The following GFOD1 variants were observed in gnomAD, a reference collection of about 807,000 sequenced individuals.
GFOD1 encodes glucose-fructose oxidoreductase domain-containing protein 1.
A neutral mutation model predicts 25.4 loss-of-function variants in GFOD1; 9 were observed. That is an observed-to-expected ratio of 0.35 (90% CI 0.21 to 0.62). GFOD1 has a LOEUF of 0.62. Among genes scored for constraint, GFOD1 ranks in the 20% least tolerant of loss-of-function variants. GFOD1 has a pLI of 0.72. For synonymous variants in GFOD1, 253 were observed against 245.6 expected (o/e 1.03, Z -0.28); for missense variants, 403 against 556.9 (o/e 0.72, Z 2.78).
intron 1 of GFOD1, among the ~76,000 whole-genome samples, chr6:13,393,674 G>A (rs763366154): frequency 6.6e-6 from 1 of 151,436 alleles, no homozygotes; most frequent in Non-Finnish European, 1.5e-5. Flanking sequence ...AAAAATCATT[G>A]ATTACAAACA....
chr6:13,446,097 G>A (rs1051799189), intron 1 of GFOD1, among the ~76,000 whole-genome samples: 26 of 152,212 alleles, frequency 1.7e-4, no homozygotes, highest in African/African-American at 6.3e-4. Flanking sequence ...GCTGGAGTCT[G>A]AACCAATTGT....
chr6:13,436,488 G>C lies in GFOD1; in HGVS notation c.253+50150C>G, dbSNP rs150281601. Among the ~76,000 whole-genome samples the C allele has an allele frequency of 2.0e-5, 3 of 152,252 alleles. No individual in the cohort carries two copies. In the East Asian group the frequency reaches 5.8e-4, roughly 29 times the overall value. On this transcript the variant is annotated intron_variant, in intron 1 of 1. Transcript: ENST00000379287. ...TTAAGTTTTCACTTACTGTATCTTA[G>C]AGATCTTTCCATATCAGCATATGCA...
intron 1 of GFOD1, among the ~76,000 whole-genome samples, chr6:13,396,965 G>A (rs1262774511): frequency 6.6e-6 from 1 of 152,198 alleles, no homozygotes; most frequent in Non-Finnish European, 1.5e-5. Context: ...CAAGTCAGAG[G>A]AAGGGATATT....
At chr6:13,444,129 C>T (rs1198343705) in intron 1 of GFOD1, among the ~76,000 whole-genome samples, 1 of 152,036 alleles carries the variant, frequency 6.6e-6, no homozygotes, top group Non-Finnish European at 1.5e-5. Flanking sequence ...CAATGGCAGA[C>T]TGGGTAAAGA....
intron 1 of GFOD1, among the ~76,000 whole-genome samples, chr6:13,462,151 C>A (rs1171729597): frequency 1.3e-5 from 2 of 152,186 alleles, no homozygotes; most frequent in African/African-American, 4.8e-5. Context: ...ATGGCAAATA[C>A]CATGGGGTTT....
At chr6:13,467,900 T>C (rs1172951943) in intron 1 of GFOD1, among the ~76,000 whole-genome samples, 1 of 152,154 alleles carries the variant, frequency 6.6e-6, no homozygotes, top group Non-Finnish European at 1.5e-5. Context: ...GAAGACTGCC[T>C]TTTTCCTTTG....
chr6:13,368,204 C>G (rs893164590), intron 1 of GFOD1, among the ~76,000 whole-genome samples: 1 of 152,214 alleles, frequency 6.6e-6, no homozygotes, highest in Non-Finnish European at 1.5e-5. Context: ...TCAGTTTCCA[C>G]GTGCACATCT....
intron 1 of GFOD1, among the ~76,000 whole-genome samples, chr6:13,440,450 C>T (rs1757897234): frequency 8.5e-5 from 13 of 152,172 alleles, no homozygotes; most frequent in Admixed American, 8.5e-4. Context: ...CTCAGCCTCC[C>T]AAAGTGCTGG....
intron 1 of GFOD1, among the ~76,000 whole-genome samples, chr6:13,449,286 A>C (rs1758055969): frequency 6.6e-6 from 1 of 152,136 alleles, no homozygotes; most frequent in Non-Finnish European, 1.5e-5. Context: ...GGGAGACCCT[A>C]TCTCAAAGAA....
At chr6:13,458,105 TTTGTTGTTGTTG>T (rs555905027) in intron 1 of GFOD1, among the ~76,000 whole-genome samples, 15 of 151,986 alleles carry the variant, frequency 9.9e-5, no homozygotes, top group Non-Finnish European at 1.6e-4. Flanking sequence ...TTATACAATT[TTTGTTGTTGTTG>T]TTGTTGTTGT....
At chr6:13,440,043 C>CCT (rs748081815) in intron 1 of GFOD1, among the ~76,000 whole-genome samples, 1 of 152,068 alleles carries the variant, frequency 6.6e-6, no homozygotes, top group Non-Finnish European at 1.5e-5. Flanking sequence ...CCTATACTGC[C>CCT]CTAAAGCTGA....
chr6:13,427,978 A>C lies in GFOD1; in HGVS notation c.253+58660T>G, dbSNP rs577841514. On this transcript the variant is annotated intron_variant, in intron 1 of 1. Transcript: ENST00000379287. Reference sequence around the variant, plus strand: ...GAGAAAAATCGCAAGTCCCCGATGGAAAGGTGTTGATGGCTCTCTTTTCAA... The same window carrying C: ...GAGAAAAATCGCAAGTCCCCGATGGCAAGGTGTTGATGGCTCTCTTTTCAA... Among the ~76,000 whole-genome samples, 5 of 152,282 alleles carry C rather than the reference A, an allele frequency of 3.3e-5. No individual in the cohort carries two copies. In the South Asian group the frequency reaches 1.0e-3, roughly 32 times the overall value.
At chr6:13,484,673 G>A (rs1262726181) in intron 1 of GFOD1, among the ~76,000 whole-genome samples, 4 of 152,156 alleles carry the variant, frequency 2.6e-5, no homozygotes, top group Non-Finnish European at 5.9e-5. Context: ...AACAGAAGAA[G>A]TATCCAGAAA....
intron 1 of GFOD1, among the ~76,000 whole-genome samples, chr6:13,413,374 C>T (rs1786110945): frequency 6.6e-6 from 1 of 152,216 alleles, no homozygotes; most frequent in South Asian, 2.1e-4. Flanking sequence ...CAAGGCACAT[C>T]AGCACAGCTG....
intron 1 of GFOD1, among the ~76,000 whole-genome samples, chr6:13,474,098 T>A (rs9474287): frequency 0.032 from 4,801 of 152,290 alleles, 243 homozygotes; most frequent in African/African-American, 0.11. Context: ...ACATTTTTGC[T>A]GCCAGGCACG....
intron 1 of GFOD1, among the ~76,000 whole-genome samples, chr6:13,423,400 C>T (rs774882236): frequency 6.6e-5 from 10 of 152,156 alleles, no homozygotes; most frequent in African/African-American, 1.2e-4. Context: ...CAGGAAGCAA[C>T]GTATAAATAC....
chr6:13,361,143 T>C lies in GFOD1; in HGVS notation c.*3600A>G. On this transcript the variant is annotated 3_prime_UTR_variant, in exon 2 of 2. Coordinates refer to ENST00000379287, the MANE Select transcript of GFOD1 (RefSeq NM_018988.4). ...GGCCAAGACTACCCTAGAGTCCAGA[T>C]ATAACTGGCACAGTGGTATTTGCTG... The C allele has an allele frequency of 3.1e-6, 1 of 327,144 alleles. No homozygotes were observed. The highest frequency in any genetic ancestry group is 4.3e-5 in the Admixed American group (1 of 23,424). The allele number at this position is 327,144 out of a possible 1,614,324, so 20.3% of individuals were successfully genotyped here.
rs1784916555 is a variant in GFOD1 at position 13,359,624 on chromosome 6, C to T, written c.*5119G>A. 6.6e-6 allele frequency: 1 copy of T among 152,156 alleles called. No homozygotes were observed. Among genetic ancestry groups the T allele is most frequent in the Non-Finnish European group, 1.5e-5 (1 of 68,040 alleles). 9.4% of individuals were successfully genotyped at this position (152,156 alleles called of 1,614,324 possible). The stretch of plus-strand genomic sequence containing the variant: ...TTTTAAACAGCTCGTTTTCTGAGTA[C>T]ATTCAAGACATAATTGAATTTATTT... On this transcript the variant is annotated 3_prime_UTR_variant, in exon 2 of 2. Coordinates refer to ENST00000379287, the MANE Select transcript of GFOD1 (RefSeq NM_018988.4).
intron 1 of GFOD1, among the ~76,000 whole-genome samples, chr6:13,446,776 G>A (rs577052805): frequency 1.2e-4 from 18 of 152,312 alleles, no homozygotes; most frequent in Admixed American, 1.1e-3. Context: ...CATCTGTCCT[G>A]CTGATGGTGG....
Sources: allele counts gnomAD v4.1 joint callset (sites outside exome capture counted in the v4.1 genomes callset), GRCh38; gene constraint gnomAD v4.1.1; transcripts MANE v1.5; gene names NCBI Gene and HGNC (gene_info 2026-07-23, HGNC 2026-07-21).